PRKCA: variants seen among roughly 807,000 people sequenced by gnomAD.
PRKCA encodes protein kinase C alpha.
Under a neutral mutation model 87.0 loss-of-function variants are expected in PRKCA, and 27 were observed. That is an observed-to-expected ratio of 0.31 (90% CI 0.23 to 0.43). PRKCA has a LOEUF of 0.43. Ranked by LOEUF, PRKCA falls within the 20% of genes least tolerant of loss-of-function variation. PRKCA has a pLI of 1.00. For synonymous variants in PRKCA, 329 were observed against 311.1 expected, an observed-to-expected ratio of 1.06 and a Z score of -0.61; for missense variants, 518 against 852.3, an observed-to-expected ratio of 0.61 and a Z score of 4.88.
chr17:66,759,247 T>G (rs1974625556), intron 13 of PRKCA, among the ~76,000 whole-genome samples: 2 of 151,638 alleles, frequency 1.3e-5, no homozygotes, highest in Admixed American at 6.6e-5. Context: ...TCCCAGGTAC[T>G]CGGGAGGCTG....
At chr17:66,798,036 C>A (rs1975708121) in intron 16 of PRKCA, among the ~76,000 whole-genome samples, 1 of 152,236 alleles carries the variant, frequency 6.6e-6, no homozygotes, top group Admixed American at 6.5e-5. Flanking sequence ...GCTGTAGAGG[C>A]TGCCCTTCCA....
At chr17:66,663,544 T>A (rs1971962583) in intron 5 of PRKCA, among the ~76,000 whole-genome samples, 1 of 152,190 alleles carries the variant, frequency 6.6e-6, no homozygotes, top group African/African-American at 2.4e-5. Flanking sequence ...GCTTAACTTG[T>A]CTTGATATAA....
chr17:66,747,429 C>G (rs1250929468), intron 13 of PRKCA, among the ~76,000 whole-genome samples: 3 of 152,170 alleles, frequency 2.0e-5, no homozygotes, highest in African/African-American at 4.8e-5. Flanking sequence ...ATCGCTATGG[C>G]GGGGGCTACG....
At chr17:66,349,924 T>C (rs1199941759) in intron 2 of PRKCA, among the ~76,000 whole-genome samples, 1 of 152,070 alleles carries the variant, frequency 6.6e-6, no homozygotes, top group African/African-American at 2.4e-5. Context: ...CACCATTCCC[T>C]TATCACATGG....
At chr17:66,794,389 C>A (rs1975613603) in intron 16 of PRKCA, among the ~76,000 whole-genome samples, 1 of 152,000 alleles carries the variant, frequency 6.6e-6, no homozygotes, top group Non-Finnish European at 1.5e-5. Context: ...CCTTCATTTC[C>A]CAGTGCCATT....
At chr17:66,541,494 T>C (rs1967986391) in intron 3 of PRKCA, among the ~76,000 whole-genome samples, 1 of 152,246 alleles carries the variant, frequency 6.6e-6, no homozygotes, top group African/African-American at 2.4e-5. Flanking sequence ...TGGTCTTGGA[T>C]GTGGAAGAAA....
chr17:66,554,371 T>C (rs1430151264), intron 3 of PRKCA: 3 of 187,540 alleles, frequency 1.6e-5, no homozygotes, highest in African/African-American at 2.4e-5. Flanking sequence ...AAGCCTGCAA[T>C]AGGCTTCCTT....
At chr17:66,360,563 C>T (rs1908332488) in intron 2 of PRKCA, among the ~76,000 whole-genome samples, 1 of 152,198 alleles carries the variant, frequency 6.6e-6, no homozygotes. Flanking sequence ...ATCCGAAGGG[C>T]TCTTAAATGT....
chr17:66,805,163 T>G lies in PRKCA; in HGVS notation c.*1126T>G. 1.0e-6 allele frequency: 1 copy of G among 974,674 alleles called. No homozygotes were observed. The highest frequency in any genetic ancestry group is 1.2e-6 in the Non-Finnish European group (1 of 820,060). The allele number at this position is 974,674 out of a possible 1,614,324, so 60.4% of individuals were successfully genotyped here. On this transcript the variant is annotated 3_prime_UTR_variant, in exon 17 of 17. Transcript: ENST00000413366. ...ATATGGTTTTGGTTCCCATTTCTAG[T>G]TCACGTTGAATGACAGGCCTGGAGC...
chr17:66,744,454 T>C (rs781356960), intron 13 of PRKCA, among the ~76,000 whole-genome samples: 1 of 152,158 alleles, frequency 6.6e-6, no homozygotes, highest in Non-Finnish European at 1.5e-5. Context: ...AATGGCAGCT[T>C]TTTTAGGAAT....
intron 2 of PRKCA, among the ~76,000 whole-genome samples, chr17:66,368,386 ATT>A (rs1180540465): frequency 1.8e-3 from 47 of 25,440 alleles, no homozygotes; most frequent in African/African-American, 5.3e-3. Flanking sequence ...ATATATATAT[ATT>A]TTTTTTTTTT....
intron 3 of PRKCA, among the ~76,000 whole-genome samples, chr17:66,564,204 G>A (rs916429788): frequency 6.6e-5 from 10 of 151,780 alleles, no homozygotes; most frequent in East Asian, 5.8e-4. Flanking sequence ...TCAGCCTCCC[G>A]AGTAGCTAGA....
intron 3 of PRKCA, among the ~76,000 whole-genome samples, chr17:66,630,486 G>A (rs1445632429): frequency 2.0e-5 from 3 of 152,202 alleles, no homozygotes; most frequent in African/African-American, 4.8e-5. Flanking sequence ...AGGGAGTGAA[G>A]TTTAGCTGCT....
In PRKCA at chr17:66,807,712, T is replaced by C. The variant is rs1304530586; in HGVS notation, c.*3675T>C. 6.6e-6 allele frequency: 1 copy of C among 152,038 alleles called. No homozygotes were observed. Among genetic ancestry groups the C allele is most frequent in the Non-Finnish European group, 1.5e-5 (1 of 67,982 alleles). 9.4% of individuals were successfully genotyped at this position (152,038 alleles called of 1,614,324 possible). A position where few individuals can be genotyped will look rare whatever the true frequency, so the allele number is the denominator to read the frequency against. On this transcript the variant is annotated 3_prime_UTR_variant, in exon 17 of 17. Transcript: ENST00000413366. The surrounding 1 kb of genome is among the most constrained non-coding windows in gnomAD (Gnocchi z 4.3). ...ACCAAGGTTCATGCAGCCCAACAAATGATTGTTGAGCACCTCTCGGAGCCA... is the reference window on the plus strand; with the variant it reads ...ACCAAGGTTCATGCAGCCCAACAAACGATTGTTGAGCACCTCTCGGAGCCA...
intron 16 of PRKCA, chr17:66,797,085 G>A (rs1324321719): frequency 6.3e-6 from 5 of 791,452 alleles, no homozygotes; most frequent in Non-Finnish European, 7.7e-6. Flanking sequence ...TGACTGAGAC[G>A]CCGAGGTAAA....
chr17:66,625,134 C>T (rs904292305), intron 3 of PRKCA, among the ~76,000 whole-genome samples: 7 of 152,192 alleles, frequency 4.6e-5, no homozygotes, highest in Non-Finnish European at 1.0e-4. Flanking sequence ...TTGTACAGAA[C>T]GTTTCCTCTT....
intron 15 of PRKCA, among the ~76,000 whole-genome samples, chr17:66,788,382 C>A (rs1053752067): frequency 2.6e-5 from 4 of 152,018 alleles, no homozygotes; most frequent in African/African-American, 9.7e-5. Context: ...ATCTATGAGT[C>A]TTTGATTGAT....
At chr17:66,737,664 G>A (rs1046104717) in intron 10 of PRKCA, among the ~76,000 whole-genome samples, 2 of 152,142 alleles carry the variant, frequency 1.3e-5, no homozygotes, top group African/African-American at 2.4e-5. Context: ...GTCAGGCGCC[G>A]GCCACTACGT....
intron 8 of PRKCA, among the ~76,000 whole-genome samples, chr17:66,730,244 G>T (rs917441253): frequency 6.6e-6 from 1 of 152,154 alleles, no homozygotes; most frequent in African/African-American, 2.4e-5. Flanking sequence ...GACACAGCTG[G>T]CAGTGTCACA....
Sources: gnomAD v4.1 joint callset for allele counts (sites outside exome capture counted in the v4.1 genomes callset) on GRCh38, gnomAD v4.1.1 for gene constraint, Gnocchi (gnomAD v3.1) non-coding constraint, MANE v1.5 for transcripts, NCBI Gene and HGNC (gene_info 2026-07-23, HGNC 2026-07-21) for gene names.